The following PTPRD variants were observed in gnomAD, a reference collection of about 807,000 sequenced individuals.
PTPRD encodes receptor-type tyrosine-protein phosphatase delta.
A neutral mutation model predicts 214.5 loss-of-function variants in PTPRD; 34 were observed. The observed-to-expected ratio is 0.16, with a 90% confidence interval of 0.12 to 0.21. The LOEUF (loss-of-function observed/expected upper bound fraction) is 0.21. Ranked by LOEUF, PTPRD falls within the 10% of genes least tolerant of loss-of-function variation. PTPRD has a pLI of 1.00. For missense variants in PTPRD, 2,545 were observed against 2,398.7 expected (o/e 1.06, Z -1.27); for synonymous variants, 1,128 against 845.7 (o/e 1.33, Z -5.79).
At chr9:10,040,435 G>A (rs1050473470) in intron 3 of PTPRD, among the ~76,000 whole-genome samples, 1 of 151,968 alleles carries the variant, frequency 6.6e-6, no homozygotes, top group Non-Finnish European at 1.5e-5. Context: ...CAATTATACA[G>A]GCAGCCAAAT....
At chr9:10,559,670 G>T (rs1396614208) in intron 2 of PTPRD, among the ~76,000 whole-genome samples, 12 of 152,014 alleles carry the variant, frequency 7.9e-5, no homozygotes. Flanking sequence ...CTGAAAAAGG[G>T]CTAATATCCA....
Position 8,339,397 on chromosome 9 carries a change from A to G in PTPRD, c.5254-350T>C, listed in dbSNP as rs556904944. Among the ~76,000 whole-genome samples, 3 of 152,274 alleles carry G rather than the reference A, an allele frequency of 2.0e-5. No individual in the cohort carries two copies. The East Asian group carries it at 5.8e-4, about 29-fold the overall frequency. ...CATCAGTCCTTGGACAATGCTGGCC[A>G]TGACAATAACACATTGCACCACCAC... On this transcript the variant is annotated intron_variant, in intron 42 of 45. Transcript: ENST00000381196.
intron 12 of PTPRD, among the ~76,000 whole-genome samples, chr9:8,711,064 C>A (rs1267026982): frequency 6.6e-6 from 1 of 151,888 alleles, no homozygotes; most frequent in East Asian, 1.9e-4. Context: ...CCAAAATGTC[C>A]AATTTATAGT....
chr9:10,393,820 G>C (rs1164428514), intron 2 of PTPRD, among the ~76,000 whole-genome samples: 1 of 148,392 alleles, frequency 6.7e-6, no homozygotes, highest in Non-Finnish European at 1.5e-5. Context: ...GCAGAATAAA[G>C]TTTTATATGA....
At chr9:9,617,494 GAAGTGTATGGA>G (rs2094946830) in intron 7 of PTPRD, among the ~76,000 whole-genome samples, 1 of 152,182 alleles carries the variant, frequency 6.6e-6, no homozygotes, top group Non-Finnish European at 1.5e-5. Context: ...TTGAATAATG[GAAGTGTATGGA>G]AAGGTTGACA....
At chr9:9,148,538 G>T (rs1327088422) in intron 10 of PTPRD, among the ~76,000 whole-genome samples, 1 of 152,092 alleles carries the variant, frequency 6.6e-6, no homozygotes, top group Admixed American at 6.6e-5. Flanking sequence ...CCCCCATATG[G>T]CTGACATTTT....
chr9:8,856,211 T>C (rs1207578021), intron 11 of PTPRD, among the ~76,000 whole-genome samples: 1 of 4,940 alleles, frequency 2.0e-4, no homozygotes, highest in Non-Finnish European at 0.013. Context: ...CTTAAGTTAT[T>C]ATCTCTACAG....
chr9:10,447,316 T>C (rs2098807043), intron 2 of PTPRD, among the ~76,000 whole-genome samples: 1 of 151,972 alleles, frequency 6.6e-6, no homozygotes, highest in African/African-American at 2.4e-5. Context: ...AAGACTCTAT[T>C]TTAGGTTAAC....
chr9:9,838,009 A>C (rs1223618220), intron 5 of PTPRD, among the ~76,000 whole-genome samples: 1 of 152,074 alleles, frequency 6.6e-6, no homozygotes, highest in African/African-American at 2.4e-5. Flanking sequence ...ATGAGTGAGA[A>C]CACACGGTGT....
intron 2 of PTPRD, among the ~76,000 whole-genome samples, chr9:10,486,750 T>A (rs893353134): frequency 1.3e-5 from 2 of 152,216 alleles, no homozygotes; most frequent in Non-Finnish European, 2.9e-5. Flanking sequence ...GAATGATTCA[T>A]GTGCTGAGGG....
chr9:10,502,192 A>C (rs975068542), intron 2 of PTPRD, among the ~76,000 whole-genome samples: 1 of 152,016 alleles, frequency 6.6e-6, no homozygotes. Context: ...TGTCAAATTA[A>C]GGAAAACCTA....
chr9:10,179,799 G>C (rs1320465694), intron 3 of PTPRD, among the ~76,000 whole-genome samples: 1 of 152,026 alleles, frequency 6.6e-6, no homozygotes, highest in Non-Finnish European at 1.5e-5. Context: ...TGGCTAAACA[G>C]CCTACCCTCT....
chr9:10,048,937 G>A (rs2097461276), intron 3 of PTPRD, among the ~76,000 whole-genome samples: 1 of 152,066 alleles, frequency 6.6e-6, no homozygotes, highest in Non-Finnish European at 1.5e-5. Context: ...GGATTAGGAT[G>A]CCTGGAATTA....
intron 7 of PTPRD, among the ~76,000 whole-genome samples, chr9:9,655,030 T>G (rs1478692836): frequency 6.6e-6 from 1 of 152,048 alleles, no homozygotes; most frequent in Non-Finnish European, 1.5e-5. Context: ...GATATAGATA[T>G]AGTCTACCTA....
chr9:8,924,125 C>T (rs1567026965), intron 11 of PTPRD, among the ~76,000 whole-genome samples: 1 of 151,616 alleles, frequency 6.6e-6, no homozygotes, highest in Non-Finnish European at 1.5e-5. Flanking sequence ...GCCTAAGCTA[C>T]GATTAAATCC....
intron 11 of PTPRD, among the ~76,000 whole-genome samples, chr9:8,926,676 C>A (rs1457638661): frequency 2.0e-5 from 3 of 152,174 alleles, no homozygotes; most frequent in East Asian, 1.9e-4. Flanking sequence ...GAATTCTATT[C>A]TGTCAGGATT....
chr9:9,659,436 A>T (rs909658622), intron 7 of PTPRD, among the ~76,000 whole-genome samples: 1 of 152,052 alleles, frequency 6.6e-6, no homozygotes, highest in Non-Finnish European at 1.5e-5. Context: ...TTTGTTGCTT[A>T]TTATACTGGG....
chr9:10,406,104 A>G (rs2098353039), intron 2 of PTPRD, among the ~76,000 whole-genome samples: 1 of 151,366 alleles, frequency 6.6e-6, no homozygotes, highest in Admixed American at 6.6e-5. Flanking sequence ...TACTGATGTT[A>G]CTAGCTGAGA....
intron 11 of PTPRD, among the ~76,000 whole-genome samples, chr9:8,878,726 G>C (rs936271411): frequency 6.6e-6 from 1 of 152,074 alleles, no homozygotes; most frequent in Non-Finnish European, 1.5e-5. Flanking sequence ...TAGAAGAGAC[G>C]AGGTCTTGCC....
Sources: allele counts gnomAD v4.1 joint callset (sites outside exome capture counted in the v4.1 genomes callset), GRCh38; gene constraint gnomAD v4.1.1; transcripts MANE v1.5; gene names NCBI Gene and HGNC (gene_info 2026-07-23, HGNC 2026-07-21).